The following RUNX3 variants were observed in gnomAD, a reference collection of about 807,000 sequenced individuals.
The protein encoded by RUNX3 is runt-related transcription factor 3.
In RUNX3, 10 loss-of-function variants were observed where a neutral mutation model predicts 27.7. The observed-to-expected ratio is 0.36, with a 90% CI of 0.22 to 0.61. RUNX3 has a LOEUF of 0.61. Among genes scored for constraint, RUNX3 ranks in the 20% least tolerant of loss-of-function variants. RUNX3 has a pLI of 0.72. For missense variants in RUNX3, 469 were observed against 629.5 expected (o/e 0.75, Z 2.73); for synonymous variants, 270 against 269.2 (o/e 1.00, Z -0.03).
Position 24,929,922 on chromosome 1 carries a change from G to C in RUNX3, c.-54C>G. On this transcript the variant is annotated 5_prime_UTR_variant, in exon 1 of 5. Transcript: ENST00000308873. ...CGGAGACGGCGCGGCTTCCCCCGGG[G>C]GCGGCCGGCGCGGGCGCCTCCTCGG... The C allele has an allele frequency of 8.1e-7, 1 of 1,228,596 alleles. No individual in the cohort carries two copies. The highest frequency in any genetic ancestry group is 1.0e-6 in the Non-Finnish European group (1 of 987,096). The allele number at this position is 1,228,596 out of a possible 1,614,324, so 76.1% of individuals were successfully genotyped here.
chr1:24,964,651 T>C, exon 2 of RUNX3: 1 of 1,541,408 alleles, frequency 6.5e-7, no homozygotes, highest in South Asian at 1.2e-5. Context: ...GTTGTTTTAT[T>C]TTTTTTTCCT....
chr1:24,946,754 G>C (rs931784602), intron 2 of RUNX3, among the ~76,000 whole-genome samples: 2 of 152,040 alleles, frequency 1.3e-5, no homozygotes, highest in Non-Finnish European at 2.9e-5. Flanking sequence ...TCCGGACACC[G>C]CCCCACATCC....
In RUNX3 at chr1:24,929,630, G is replaced by A; in HGVS notation, c.239C>T (p.Pro80Leu). 6.2e-7 allele frequency: 1 copy of A among 1,609,050 alleles called. No homozygotes were observed. Among genetic ancestry groups the A allele is most frequent in the Non-Finnish European group, 8.5e-7 (1 of 1,179,140 alleles). Residue 80 changes from proline to leucine, a missense_variant, in exon 1 of 5, where the codon CCC (proline) becomes CTC (leucine). By Grantham distance (98) the Pro-to-Leu change is moderately conservative (BLOSUM62 -3). Coordinates refer to ENST00000308873, the MANE Select transcript of RUNX3 (RefSeq NM_004350.3). ...DSPNFLCSVL[P>L]SHWRCNKTLP... The stretch of plus-strand genomic sequence containing the variant: ...CGTCTTGTTGCAGCGCCAGTGCGAG[G>A]GCAGCACGGAGCAGAGGAAGTTGGG...
intron 3 of RUNX3, among the ~76,000 whole-genome samples, chr1:24,911,015 C>A (rs988618857): frequency 5.3e-5 from 8 of 152,206 alleles, no homozygotes; most frequent in African/African-American, 1.9e-4. Flanking sequence ...AGGCCCAGTA[C>A]GGCCAGAGCT....
At chr1:24,950,705 G>A (rs1641737903) in intron 2 of RUNX3, among the ~76,000 whole-genome samples, 2 of 152,260 alleles carry the variant, frequency 1.3e-5, no homozygotes, top group Middle Eastern at 3.4e-3. Flanking sequence ...GCCATGAACA[G>A]GGCCATGCCT....
At chr1:24,944,282 C>T (rs1641550915) in intron 2 of RUNX3, among the ~76,000 whole-genome samples, 1 of 152,144 alleles carries the variant, frequency 6.6e-6, no homozygotes, top group Admixed American at 6.5e-5. Context: ...CTCCAGCCAC[C>T]CTGCCTTCAA....
At chr1:24,908,233 T>C (rs866826243) in intron 3 of RUNX3, among the ~76,000 whole-genome samples, 1,558 of 72,348 alleles carry the variant, frequency 0.022, 20 homozygotes, top group African/African-American at 0.039. Context: ...TGAACCTCTA[T>C]GACACGCGGT....
intron 2 of RUNX3, among the ~76,000 whole-genome samples, chr1:24,952,731 G>C (rs1447210716): frequency 6.6e-6 from 1 of 152,196 alleles, no homozygotes; most frequent in Non-Finnish European, 1.5e-5. Context: ...GCCTGGAGAG[G>C]TCACTAGCAT....
chr1:24,920,365 C>T (rs1054653651), intron 2 of RUNX3, among the ~76,000 whole-genome samples: 10 of 152,108 alleles, frequency 6.6e-5, no homozygotes, highest in African/African-American at 2.4e-5. Context: ...ATTACGGGCG[C>T]GGATCCCTCT....
At chr1:24,909,173 A>C (rs1640751168) in intron 3 of RUNX3, among the ~76,000 whole-genome samples, 1 of 152,158 alleles carries the variant, frequency 6.6e-6, no homozygotes, top group Admixed American at 6.5e-5. Context: ...TTCTGGAGTG[A>C]TATCAAGCTT....
At position 24,916,273 on chromosome 1, in the gene RUNX3, C is replaced by A. The variant is rs914369870; in HGVS notation, c.544+2967G>T. Among the ~76,000 whole-genome samples the A allele has an allele frequency of 6.6e-6, 1 of 152,212 alleles. No homozygotes were observed. The highest frequency in any genetic ancestry group is 1.5e-5 in the Non-Finnish European group (1 of 68,036). On this transcript the variant is annotated intron_variant, in intron 3 of 4. Transcript: ENST00000308873. This position sits in a 1 kb window ranked among gnomAD's most constrained non-coding sequence, Gnocchi z 4.8. ...TGTGGGGGCACTTCCTGGGGCCAGG[C>A]CCCGGTAAACTCAGTCAACCTTCAC... is the stretch of plus-strand genomic sequence containing the variant.
chr1:24,929,718 C>G lies in RUNX3; in HGVS notation c.151G>C (p.Glu51Gln). Residue 51 changes from glutamate to glutamine, a missense_variant, in exon 1 of 5, where the codon GAG (glutamate) becomes CAG (glutamine). Around this residue, in one of 3 missense-constraint regions of RUNX3, gnomAD observed 115 missense variants for 118.0 expected, o/e 0.97. Transcript: ENST00000308873. ...AVGPGGRARP[E>Q]VRSMVDVLAD... Reference sequence around the variant, plus strand: ...AGCACGTCCACCATCGAGCGCACCTCGGGCCGGGCGCGCCCTCCGGGCCCC... The same window carrying G: ...AGCACGTCCACCATCGAGCGCACCTGGGGCCGGGCGCGCCCTCCGGGCCCC... 1 of 1,519,756 alleles carries G rather than the reference C, an allele frequency of 6.6e-7. No homozygotes were observed. The highest frequency in any genetic ancestry group is 8.7e-7 in the Non-Finnish European group (1 of 1,143,960). The allele number at this position is 1,519,756 out of a possible 1,614,324, so 94.1% of individuals were successfully genotyped here. A position where few individuals can be genotyped will look rare whatever the true frequency, so the allele number is the denominator to read the frequency against.
intron 2 of RUNX3, among the ~76,000 whole-genome samples, chr1:24,946,489 C>T (rs1436246076): frequency 6.7e-6 from 1 of 149,616 alleles, no homozygotes. Flanking sequence ...TGTGTGTTCT[C>T]CTGTTTTCTT....
At chr1:24,960,520 C>T (rs903544242) in intron 2 of RUNX3, among the ~76,000 whole-genome samples, 19 of 152,214 alleles carry the variant, frequency 1.2e-4, no homozygotes, top group Middle Eastern at 3.2e-3. Flanking sequence ...GCCCCCCCGC[C>T]GCCCCAGAGC....
intron 3 of RUNX3, among the ~76,000 whole-genome samples, chr1:24,908,074 G>GAACCTCTACGACACGCGGTGATCCA (rs1640709421): frequency 8.6e-6 from 1 of 116,202 alleles, no homozygotes; most frequent in Non-Finnish European, 1.8e-5. Flanking sequence ...ACGGTGATCC[G>GAACCTCTACGACACGCGGTGATCCA]AACCTCTACG....
At chr1:24,953,402 G>GAAAAAAAAAAAAAAAAAA (rs553316885) in intron 2 of RUNX3, among the ~76,000 whole-genome samples, 3 of 70,468 alleles carry the variant, frequency 4.3e-5, no homozygotes, top group East Asian at 4.3e-4. Context: ...AAAGAAAAAT[G>GAAAAAAAAAAAAAAAAAA]AAAAAAAAAA....
intron 2 of RUNX3, among the ~76,000 whole-genome samples, chr1:24,959,799 C>CT (rs1642055477): frequency 6.6e-6 from 1 of 152,162 alleles, no homozygotes; most frequent in East Asian, 1.9e-4. Context: ...CAAGAGTCCA[C>CT]TTTCCATTTC....
chr1:24,911,389 G>C (rs1048932296), intron 3 of RUNX3, among the ~76,000 whole-genome samples: 1 of 152,216 alleles, frequency 6.6e-6, no homozygotes, highest in African/African-American at 2.4e-5. Flanking sequence ...AGAGGGCGGG[G>C]TTGACAGCCA....
chr1:24,937,263 C>T (rs1291650053), intron 2 of RUNX3, among the ~76,000 whole-genome samples: 3 of 152,202 alleles, frequency 2.0e-5, no homozygotes, highest in Non-Finnish European at 4.4e-5. Context: ...CAGAAGGGTC[C>T]TGAGCTTGTT....
Sources: allele counts gnomAD v4.1 joint callset (sites outside exome capture counted in the v4.1 genomes callset), GRCh38; gene constraint gnomAD v4.1.1; regional missense constraint gnomAD v4.1.1; non-coding constraint Gnocchi (gnomAD v3.1); transcripts MANE v1.5; gene names NCBI Gene and HGNC (gene_info 2026-07-23, HGNC 2026-07-21).